Variants in R3HDM2 observed in about 807,000 individuals in gnomAD.
The protein encoded by R3HDM2 is R3H domain containing 2.
R3HDM2 carries 38 observed loss-of-function variants against 124.5 expected under a neutral mutation model. The ratio of observed to expected loss-of-function variants is 0.31; its 90% CI spans 0.24 to 0.40. R3HDM2 has a LOEUF of 0.40. Ranked by LOEUF, R3HDM2 falls within the 10% of genes least tolerant of loss-of-function variation. The pLI, the probability that R3HDM2 is intolerant of heterozygous loss-of-function variation, is 1.00. For synonymous variants in R3HDM2, 391 were observed against 448.0 expected, an observed-to-expected ratio of 0.87 and a Z score of 1.61; for missense variants, 869 against 1,236.9, an observed-to-expected ratio of 0.70 and a Z score of 4.46.
chr12:57,288,828 A>C, intron 12 of R3HDM2, 181 bp downstream of exon 12: 1 of 1,512,232 alleles, frequency 6.6e-7, no homozygotes, highest in Non-Finnish European at 9.0e-7. Context: ...TAAAAATAAA[A>C]AGGAGAGATA....
chr12:57,415,580 G>GA (rs60093547), intron 1 of R3HDM2, among the ~76,000 whole-genome samples: 10 of 144,840 alleles, frequency 6.9e-5, no homozygotes, highest in African/African-American at 2.5e-4. Context: ...GCCAGGGGTG[G>GA]AAAAAAAAAA....
intron 2 of R3HDM2, among the ~76,000 whole-genome samples, chr12:57,331,196 A>G (rs1280899378): frequency 6.6e-6 from 1 of 152,118 alleles, no homozygotes; most frequent in African/African-American, 2.4e-5. Context: ...AGTATTTTGT[A>G]AACAGCAGCC....
At chr12:57,288,015 C>CT (rs35488015) in intron 12 of R3HDM2, among the ~76,000 whole-genome samples, 3,223 of 129,498 alleles carry the variant, frequency 0.025, 67 homozygotes, top group East Asian at 0.055. Context: ...TCCCTTAGGT[C>CT]TTTTTTTTTT....
At chr12:57,322,102 C>T (rs1269959594) in intron 2 of R3HDM2, among the ~76,000 whole-genome samples, 2 of 152,046 alleles carry the variant, frequency 1.3e-5, no homozygotes, top group Non-Finnish European at 2.9e-5. Context: ...GTGGCGCTCG[C>T]CTGTTCGGGA....
At chr12:57,261,301 T>C (rs999407696) in intron 19 of R3HDM2, among the ~76,000 whole-genome samples, 1 of 152,222 alleles carries the variant, frequency 6.6e-6, no homozygotes, top group African/African-American at 2.4e-5. Flanking sequence ...AAATACCTCA[T>C]TGCTACCTGA....
intron 2 of R3HDM2, chr12:57,341,301 G>T: frequency 1.6e-6 from 1 of 610,350 alleles, no homozygotes; most frequent in Non-Finnish European, 2.1e-6. Flanking sequence ...CAAAATTATA[G>T]CACCTTTAAA....
At chr12:57,365,637 C>T (rs2137749897) in intron 2 of R3HDM2, among the ~76,000 whole-genome samples, 1 of 152,104 alleles carries the variant, frequency 6.6e-6, no homozygotes, top group African/African-American at 2.4e-5. Flanking sequence ...AATCAAATTG[C>T]TTAAGATCAG....
rs547450172 is a variant in R3HDM2, at chr12:57,370,430, C to T, written c.-36+25319G>A. On this transcript the variant is annotated intron_variant, in intron 2 of 23. Transcript: ENST00000402412. Reference sequence around the variant, plus strand: ...GGGGGCGGGGTGGATCACCTGAGGTCGGGAGTTCAAGACCAGCCTGACCAA... The same window carrying T: ...GGGGGCGGGGTGGATCACCTGAGGTTGGGAGTTCAAGACCAGCCTGACCAA... Among the ~76,000 whole-genome samples the T allele has an allele frequency of 2.3e-4, 28 of 121,798 alleles. 2 individuals are homozygous for T. The highest frequency in any genetic ancestry group is 6.9e-4 in the African/African-American group (23 of 33,566). The allele number at this position is 121,798 out of a possible 152,430, so 79.9% of individuals were successfully genotyped here. A position where few individuals can be genotyped will look rare whatever the true frequency, so the allele number is the denominator to read the frequency against.
intron 2 of R3HDM2, among the ~76,000 whole-genome samples, chr12:57,318,380 G>C (rs1345036023): frequency 6.6e-6 from 1 of 152,072 alleles, no homozygotes; most frequent in East Asian, 1.9e-4. Flanking sequence ...GGGTGGTGCA[G>C]TGGCTCACTC....
intron 2 of R3HDM2, among the ~76,000 whole-genome samples, chr12:57,377,348 A>G (rs1056866499): frequency 6.6e-6 from 1 of 152,108 alleles, no homozygotes; most frequent in East Asian, 1.9e-4. Context: ...AATATAGCCA[A>G]CTAGAGTTCA....
At chr12:57,381,036 C>A (rs1329554740) in intron 2 of R3HDM2, among the ~76,000 whole-genome samples, 1 of 151,522 alleles carries the variant, frequency 6.6e-6, no homozygotes, top group Non-Finnish European at 1.5e-5. Flanking sequence ...TCGAGACCAG[C>A]CTGGCTAACA....
At chr12:57,286,581 G>A (rs1237814619) in intron 12 of R3HDM2, among the ~76,000 whole-genome samples, 2 of 152,152 alleles carry the variant, frequency 1.3e-5, no homozygotes, top group African/African-American at 4.8e-5. Flanking sequence ...AAAACCAGTA[G>A]CTTAAAAGGT....
chr12:57,258,838 G>A (rs905567912), intron 20 of R3HDM2, 52 bp downstream of exon 20: 43 of 1,414,306 alleles, frequency 3.0e-5, no homozygotes, highest in South Asian at 3.4e-5. Flanking sequence ...ATTGCGCCCC[G>A]GGAAGAATAC....
intron 4 of R3HDM2, among the ~76,000 whole-genome samples, chr12:57,301,118 C>T (rs1393400629): frequency 6.7e-6 from 1 of 150,180 alleles, no homozygotes; most frequent in Admixed American, 6.6e-5. Flanking sequence ...AACCAAAAAA[C>T]AAAAAATAAA....
chr12:57,255,210 T>C (rs2038585415), intron 23 of R3HDM2, 97 bp from the exon 24 acceptor site: 2 of 1,013,412 alleles, frequency 2.0e-6, no homozygotes, highest in Non-Finnish European at 1.4e-6. Flanking sequence ...ACTAAGTCTG[T>C]ATACAATGTC....
At chr12:57,340,596 T>G (rs2059438847) in intron 2 of R3HDM2, among the ~76,000 whole-genome samples, 1 of 152,008 alleles carries the variant, frequency 6.6e-6, no homozygotes, top group African/African-American at 2.4e-5. Context: ...CATAGAAAAA[T>G]AAGAATACCT....
At chr12:57,339,236 A>T (rs2136914101) in intron 2 of R3HDM2, among the ~76,000 whole-genome samples, 1 of 152,022 alleles carries the variant, frequency 6.6e-6, no homozygotes, top group South Asian at 2.1e-4. Context: ...ACCTCAAGTG[A>T]TCCATCCGCC....
At chr12:57,268,503 G>T in intron 17 of R3HDM2, 46 bp from the exon 18 acceptor site, 1 of 1,599,584 alleles carries the variant, frequency 6.3e-7, no homozygotes, top group South Asian at 1.1e-5. Context: ...CATTCACATT[G>T]AGCTCATGCA....
In R3HDM2 at chr12:57,377,553, A is replaced by G. The variant is rs530600702; in HGVS notation, c.-36+18196T>C. On this transcript the variant is annotated intron_variant, in intron 2 of 23. Transcript: ENST00000402412. ...TACCCGCTAAACCTGTTCTAATAAA[A>G]TTACTGCACCAGGAGACAGATTTGA... Among the ~76,000 whole-genome samples the G allele has an allele frequency of 2.0e-5, 3 of 152,208 alleles. No individual in the cohort carries two copies. The East Asian group carries it at 5.8e-4, about 29-fold the overall frequency.
Sources: gnomAD v4.1 joint callset for allele counts (sites outside exome capture counted in the v4.1 genomes callset) on GRCh38, gnomAD v4.1.1 for gene constraint, MANE v1.5 for transcripts, NCBI Gene and HGNC (gene_info 2026-07-23, HGNC 2026-07-21) for gene names.